The following IFNB1 variants were observed in gnomAD, a reference collection of about 807,000 sequenced individuals.
IFNB1 encodes the protein interferon beta.
For synonymous variants in IFNB1, 99 were observed against 80.4 expected (o/e 1.23, Z -1.24); for missense variants, 267 against 210.5 (o/e 1.27, Z -1.66).
In IFNB1 at chr9:21,077,562, G is replaced by A. The variant is rs745722882; in HGVS notation, c.308C>T (p.Thr103Ile). 1 of 1,613,968 alleles carries A rather than the reference G, an allele frequency of 6.2e-7. No homozygotes were observed. The highest frequency in any genetic ancestry group is 8.5e-7 in the Non-Finnish European group (1 of 1,179,912). ...ATTAGCCAGGAGGTTCTCAACAATA[G>A]TCTCATTCCAGCCAGTGCTAGATGA... ...QDSSSTGWNE[T>I]IVENLLANVY... Residue 103 changes from threonine to isoleucine, a missense_variant, in exon 1 of 1, where the codon ACT becomes ATT. Physicochemically the swap from Thr to Ile is moderately conservative, Grantham distance 89 (BLOSUM62 -1). Coordinates refer to ENST00000380232, the MANE Select transcript of IFNB1 (RefSeq NM_002176.4).
In IFNB1 at chr9:21,077,595, C is replaced by G. The variant is rs771135034; in HGVS notation, c.275G>C (p.Arg92Thr). Residue 92 changes from arginine (R) to threonine (T), a missense_variant, in exon 1 of 1, where the codon AGA (arginine) becomes ACA (threonine). Transcript: ENST00000380232. ...CCAGCCAGTGCTAGATGAATCTTGT[C>G]TGAAAATAGCAAAGATGTTCTGGAG... ...EMLQNIFAIF[R>T]QDSSSTGWNE... 28 of 1,613,836 alleles carry G rather than the reference C, an allele frequency of 1.7e-5. No homozygotes were observed. The highest frequency in any genetic ancestry group is 2.3e-5 in the Non-Finnish European group (27 of 1,179,920).
chr9:21,077,250 G>T lies in IFNB1; in HGVS notation c.*56C>A. ...ATCAGTCACTTAAACAGCATCTGCT[G>T]GTTGAAGAATGCTTGAAGCAATTGT... On this transcript the variant is annotated 3_prime_UTR_variant, in exon 1 of 1. Transcript: ENST00000380232. 4 of 1,184,278 alleles carry T rather than the reference G, an allele frequency of 3.4e-6. No homozygotes were observed. Among genetic ancestry groups the T allele is most frequent in the Non-Finnish European group, 4.9e-6 (4 of 818,712 alleles). 73.4% of individuals were successfully genotyped at this position (1,184,278 alleles called of 1,614,324 possible).
rs772209971 is a variant in IFNB1 at position 21,077,795 on chromosome 9, G to A, written c.75C>T (p.Asn25=). 2 of 1,613,818 alleles carry A rather than the reference G, an allele frequency of 1.2e-6. No individual in the cohort carries two copies. Among genetic ancestry groups the A allele is most frequent in the South Asian group, 1.1e-5 (1 of 91,070 alleles). ...TGCTTCTTTGTAGGAATCCAAGCAA[G>A]TTGTAGCTCATGGAAAGAGCTGTAG... ...FSTTALSMSY[N]LLGFLQRSSN... is the part of the protein sequence containing the mutation. The change falls in exon 1 of 1, where the codon AAC becomes AAT. Residue 25 remains asparagine (N), a synonymous_variant. Coordinates refer to ENST00000380232, the MANE Select transcript of IFNB1 (RefSeq NM_002176.4).
rs757955157 is a variant in IFNB1 at position 21,077,750 on chromosome 9, C to G, written c.120G>C (p.Lys40Asn). Residue 40 changes from lysine (K) to asparagine (N), a missense_variant, in exon 1 of 1, where the codon AAG becomes AAC. Lys to Asn is a moderately conservative substitution (Grantham distance 94). Coordinates refer to ENST00000380232, the MANE Select transcript of IFNB1 (RefSeq NM_002176.4). ...GCCTCCCATTCAATTGCCACAGGAG[C>G]TTCTGACACTGAAAATTGCTGCTTC... Reference protein sequence around the residue: ...LQRSSNFQCQKLLWQLNGRLE... With the variant: ...LQRSSNFQCQNLLWQLNGRLE... 1.2e-6 allele frequency: 2 copies of G among 1,613,758 alleles called. No individual in the cohort carries two copies. Among genetic ancestry groups the G allele is most frequent in the African/African-American group, 2.7e-5 (2 of 74,900 alleles).
chr9:21,077,834 C>T lies in IFNB1; in HGVS notation c.36G>A (p.Leu12=). 1 of 1,613,448 alleles carries T rather than the reference C, an allele frequency of 6.2e-7. No homozygotes were observed. The highest frequency in any genetic ancestry group is 8.5e-7 in the Non-Finnish European group (1 of 1,179,688). ...TNKCLLQIAL[L]LCFSTTALSM... is the part of the protein sequence containing the mutation. ...AAAGAGCTGTAGTGGAGAAGCACAA[C>T]AGGAGAGCAATTTGGAGGAGACACT... The change falls in exon 1 of 1, where the codon CTG becomes CTA. Residue 12 remains leucine (L), a synonymous_variant. Coordinates refer to ENST00000380232, the MANE Select transcript of IFNB1 (RefSeq NM_002176.4).
chr9:21,077,821 T>A lies in IFNB1; in HGVS notation c.49A>T (p.Thr17Ser). Residue 17 changes from threonine to serine, a missense_variant, in exon 1 of 1, where the codon ACT becomes TCT. By Grantham distance (58) the Thr-to-Ser change is moderately conservative. Coordinates refer to ENST00000380232, the MANE Select transcript of IFNB1 (RefSeq NM_002176.4). ...LQIALLLCFSTTALSMSYNLL... is the reference protein window; with the variant it reads ...LQIALLLCFSSTALSMSYNLL... ...TTGTAGCTCATGGAAAGAGCTGTAG[T>A]GGAGAAGCACAACAGGAGAGCAATT... 1 of 1,613,696 alleles carries A rather than the reference T, an allele frequency of 6.2e-7. No homozygotes were observed. The highest frequency in any genetic ancestry group is 8.5e-7 in the Non-Finnish European group (1 of 1,179,778).
chr9:21,077,520 T>C lies in IFNB1; in HGVS notation c.350A>G (p.Asn117Ser), dbSNP rs1333390876. 2 of 1,612,828 alleles carry C rather than the reference T, an allele frequency of 1.2e-6. No homozygotes were observed. Among genetic ancestry groups the C allele is most frequent in the African/African-American group, 2.7e-5 (2 of 74,884 alleles). ...NLLANVYHQI[N>S]HLKTVLEEKL... ...TTCTTCCAGGACTGTCTTCAGATGG[T>C]TTATCTGATGATAGACATTAGCCAG... Residue 117 changes from asparagine (N) to serine (S), a missense_variant, in exon 1 of 1, where the codon AAC becomes AGC. Physicochemically the swap from Asn to Ser is conservative, Grantham distance 46. Transcript: ENST00000380232.
chr9:21,077,672 C>T lies in IFNB1; in HGVS notation c.198G>A (p.Lys66=), dbSNP rs1195075170. ...CCTCCTTCTGGAACTGCTGCAGCTGCTTAATCTCCTCAGGGATGTCAAAGT... is the reference window on the plus strand; with the variant it reads ...CCTCCTTCTGGAACTGCTGCAGCTGTTTAATCTCCTCAGGGATGTCAAAGT... ...RMNFDIPEEI[K]QLQQFQKEDA... Residue 66 remains lysine, a synonymous_variant, in exon 1 of 1, where the codon AAG becomes AAA. Transcript: ENST00000380232. 5.6e-6 allele frequency: 9 copies of T among 1,613,858 alleles called. No individual in the cohort carries two copies. The East Asian group carries it at 8.9e-5, about 16-fold the overall frequency.
Position 21,077,883 on chromosome 9 carries a change from A to T in IFNB1, c.-14T>A, listed in dbSNP as rs1818745930. On this transcript the variant is annotated 5_prime_UTR_variant, in exon 1 of 1. Transcript: ENST00000380232. Reference sequence around the variant, plus strand: ...CTTGTTGGTCATGTTGACAACACGAACAGTGTCGCCTACTACCTGTTGTGC... The same window carrying T: ...CTTGTTGGTCATGTTGACAACACGATCAGTGTCGCCTACTACCTGTTGTGC... 6.3e-7 allele frequency: 1 copy of T among 1,598,960 alleles called. No homozygotes were observed. Among genetic ancestry groups the T allele is most frequent in the Admixed American group, 1.7e-5 (1 of 59,428 alleles).
chr9:21,077,675 A>C lies in IFNB1; in HGVS notation c.195T>G (p.Ile65Met), dbSNP rs139088661. 5.6e-6 allele frequency: 9 copies of C among 1,613,960 alleles called. No homozygotes were observed. Among genetic ancestry groups the C allele is most frequent in the Non-Finnish European group, 7.6e-6 (9 of 1,179,882 alleles). The part of the protein sequence containing the change: ...DRMNFDIPEE[I>M]KQLQQFQKED... ...CCTTCTGGAACTGCTGCAGCTGCTT[A>C]ATCTCCTCAGGGATGTCAAAGTTCA... Residue 65 changes from isoleucine (I) to methionine (M), a missense_variant, in exon 1 of 1, where the codon ATT becomes ATG. Transcript: ENST00000380232.
rs762373714 is a variant in IFNB1 at position 21,077,905 on chromosome 9, G to A, written c.-36C>T. On this transcript the variant is annotated 5_prime_UTR_variant, in exon 1 of 1. Coordinates refer to ENST00000380232, the MANE Select transcript of IFNB1 (RefSeq NM_002176.4). ...CGAACAGTGTCGCCTACTACCTGTT[G>A]TGCCAGAGCAAAGGCTTCGAAAGGT... is the stretch of plus-strand genomic sequence containing the variant. 4 of 1,527,546 alleles carry A rather than the reference G, an allele frequency of 2.6e-6. No homozygotes were observed. The highest frequency in any genetic ancestry group is 2.7e-5 in the African/African-American group (2 of 72,936). 94.6% of individuals were successfully genotyped at this position (1,527,546 alleles called of 1,614,324 possible). A position where few individuals can be genotyped will look rare whatever the true frequency, so the allele number is the denominator to read the frequency against.
the IFNB1 span, chr9:21,077,324 TG>T: frequency 6.2e-7 from 1 of 1,612,026 alleles, no homozygotes; most frequent in Non-Finnish European, 8.5e-7. Flanking sequence ...GGAGGTAACC[TG>T]TAAGTCTGTT....
chr9:21,077,690 G>A lies in IFNB1; in HGVS notation c.180C>T (p.Asp60=), dbSNP rs34130181. 1.2e-6 allele frequency: 2 copies of A among 1,613,838 alleles called. No individual in the cohort carries two copies. The highest frequency in any genetic ancestry group is 2.2e-5 in the East Asian group (1 of 44,894). The change falls in exon 1 of 1, where the codon GAC becomes GAT. Residue 60 remains aspartate, a synonymous_variant. Coordinates refer to ENST00000380232, the MANE Select transcript of IFNB1 (RefSeq NM_002176.4). ...EYCLKDRMNF[D]IPEEIKQLQQ... ...GCAGCTGCTTAATCTCCTCAGGGAT[G>A]TCAAAGTTCATCCTGTCCTTGAGGC...
rs375770862 is a variant in IFNB1, at chr9:21,077,821, T to C, written c.49A>G (p.Thr17Ala). Reference sequence around the variant, plus strand: ...TTGTAGCTCATGGAAAGAGCTGTAGTGGAGAAGCACAACAGGAGAGCAATT... The same window carrying C: ...TTGTAGCTCATGGAAAGAGCTGTAGCGGAGAAGCACAACAGGAGAGCAATT... ...LQIALLLCFS[T>A]TALSMSYNLL... is the part of the protein sequence containing the mutation. Residue 17 changes from threonine to alanine, a missense_variant, in exon 1 of 1, where the codon ACT becomes GCT. Physicochemically the swap from Thr to Ala is moderately conservative, Grantham distance 58 (BLOSUM62 0). Transcript: ENST00000380232. The C allele has an allele frequency of 5.9e-5, 95 of 1,613,578 alleles. No homozygotes were observed. Among genetic ancestry groups the C allele is most frequent in the Non-Finnish European group, 7.1e-5 (84 of 1,179,786 alleles).
At position 21,077,628 on chromosome 9, in the gene IFNB1, T is replaced by G; in HGVS notation, c.242A>C (p.Tyr81Ser). 3 of 1,613,940 alleles carry G rather than the reference T, an allele frequency of 1.9e-6. No individual in the cohort carries two copies. The highest frequency in any genetic ancestry group is 2.5e-6 in the Non-Finnish European group (3 of 1,179,850). ...FQKEDAALTIYEMLQNIFAIF... is the reference protein window; with the variant it reads ...FQKEDAALTISEMLQNIFAIF... The stretch of plus-strand genomic sequence containing the variant: ...AGCAAAGATGTTCTGGAGCATCTCA[T>G]AGATGGTCAATGCGGCGTCCTCCTT... Residue 81 changes from tyrosine to serine, a missense_variant, in exon 1 of 1, where the codon TAT (tyrosine) becomes TCT (serine). By Grantham distance (144) the Tyr-to-Ser change is moderately radical. Transcript: ENST00000380232.
chr9:21,077,454 C>T lies in IFNB1; in HGVS notation c.416G>A (p.Ser139Asn). ...ATAATATCTTTTCAGGTGCAGACTG[C>T]TCATGAGTTTTCCCCTGGTGAAATC... is the stretch of plus-strand genomic sequence containing the variant. Reference protein sequence around the residue: ...KEDFTRGKLMSSLHLKRYYGR... With the variant: ...KEDFTRGKLMNSLHLKRYYGR... Residue 139 changes from serine (S) to asparagine (N), a missense_variant, in exon 1 of 1, where the codon AGC (serine) becomes AAC (asparagine). Coordinates refer to ENST00000380232, the MANE Select transcript of IFNB1 (RefSeq NM_002176.4). 1 of 1,613,972 alleles carries T rather than the reference C, an allele frequency of 6.2e-7. No individual in the cohort carries two copies. The highest frequency in any genetic ancestry group is 8.5e-7 in the Non-Finnish European group (1 of 1,179,906).
chr9:21,077,527 G>A, the IFNB1 span: 1 of 1,613,618 alleles, frequency 6.2e-7, no homozygotes, highest in East Asian at 2.2e-5. Flanking sequence ...TGGTTTATCT[G>A]ATGATAGACA....
Position 21,077,348 on chromosome 9 carries a change from G to T in IFNB1, c.522C>A (p.Asn174Lys). 1 of 1,613,584 alleles carries T rather than the reference G, an allele frequency of 6.2e-7. No homozygotes were observed. Among genetic ancestry groups the T allele is most frequent in the East Asian group, 2.2e-5 (1 of 44,872 alleles). ...WTIVRVEILR[N>K]FYFINRLTGY... The stretch of plus-strand genomic sequence containing the variant: ...CTGTAAGTCTGTTAATGAAGTAAAA[G>T]TTCCTTAGGATTTCCACTCTGACTA... The change falls in exon 1 of 1, where the codon AAC (asparagine) becomes AAA (lysine). Residue 174 changes from asparagine to lysine, a missense_variant. Coordinates refer to ENST00000380232, the MANE Select transcript of IFNB1 (RefSeq NM_002176.4).
rs753886144 is a variant in IFNB1, at chr9:21,077,802, C to G, written c.68G>C (p.Ser23Thr). 8 of 1,613,752 alleles carry G rather than the reference C, an allele frequency of 5.0e-6. No individual in the cohort carries two copies. The African/African-American group carries it at 6.7e-5, about 13-fold the overall frequency. Residue 23 changes from serine to threonine, a missense_variant, in exon 1 of 1, where the codon AGC (serine) becomes ACC (threonine). Ser to Thr is a moderately conservative substitution (Grantham distance 58). Coordinates refer to ENST00000380232, the MANE Select transcript of IFNB1 (RefSeq NM_002176.4). ...TTGTAGGAATCCAAGCAAGTTGTAGCTCATGGAAAGAGCTGTAGTGGAGAA... is the reference window on the plus strand; with the variant it reads ...TTGTAGGAATCCAAGCAAGTTGTAGGTCATGGAAAGAGCTGTAGTGGAGAA... ...LCFSTTALSMSYNLLGFLQRS... is the reference protein window; with the variant it reads ...LCFSTTALSMTYNLLGFLQRS...
Sources: gnomAD v4.1 joint callset for allele counts on GRCh38, gnomAD v4.1.1 for gene constraint, MANE v1.5 for transcripts, NCBI Gene and HGNC (gene_info 2026-07-23, HGNC 2026-07-21) for gene names.